MIGA2: variants seen among roughly 807,000 people sequenced by gnomAD.
The protein encoded by MIGA2 is mitoguardin 2, also known as family with sequence similarity 73, member B.
Under a neutral mutation model 69.9 loss-of-function variants are expected in MIGA2, and 36 were observed. The ratio of observed to expected loss-of-function variants is 0.52; its 90% confidence interval spans 0.39 to 0.68. MIGA2 has a LOEUF of 0.68. Among genes scored for constraint, MIGA2 ranks in the 30% least tolerant of loss-of-function variants. The pLI, the probability that MIGA2 is intolerant of heterozygous loss-of-function variation, is 0.00. For missense variants in MIGA2, 660 were observed against 787.7 expected, an observed-to-expected ratio of 0.84 and a Z score of 1.94; for synonymous variants, 333 against 349.2, an observed-to-expected ratio of 0.95 and a Z score of 0.52.
At position 129,068,069 on chromosome 9, in the gene MIGA2, CGGGAAA is replaced by C. The variant is rs746257768; in HGVS notation, c.1270-127_1270-122del. 2.9e-6 allele frequency: 4 copies of C among 1,392,708 alleles called. No individual in the cohort carries two copies. In the South Asian group the frequency reaches 4.8e-5, roughly 17 times the overall value. 86.3% of individuals were successfully genotyped at this position (1,392,708 alleles called of 1,614,324 possible). On this transcript the variant is annotated intron_variant, in intron 12 of 15. Transcript: ENST00000684074. The surrounding 1 kb of genome is among the most constrained non-coding windows in gnomAD (Gnocchi z 4.1). ...CAGCTACACCCGTTGCACAGCAGAGCGGGAAAGACGTGTCCCCCCCACGTGTGCTCA... is the reference window on the plus strand; with the variant it reads ...CAGCTACACCCGTTGCACAGCAGAGCGACGTGTCCCCCCCACGTGTGCTCA...
chr9:129,063,506 T>G, intron 10 of MIGA2, 39 bp from the exon 11 acceptor site: 1 of 1,607,972 alleles, frequency 6.2e-7, no homozygotes, highest in Admixed American at 1.7e-5. Flanking sequence ...GGGACTGCCG[T>G]GCCCGGCAGC....
chr9:129,046,875 A>G (rs1845253155), intron 3 of MIGA2, among the ~76,000 whole-genome samples: 1 of 151,262 alleles, frequency 6.6e-6, no homozygotes, highest in Admixed American at 6.6e-5. Context: ...ACCTCCCAGG[A>G]TCAAGCGATT....
Position 129,069,754 on chromosome 9 carries a change from G to A in MIGA2, c.1459-95G>A, listed in dbSNP as rs762560750. ...AGCAGGAAAGTACATGAGCTGGGGCGACCTCTAAAGCCCAGCCCTTTATGC... is the reference window on the plus strand; with the variant it reads ...AGCAGGAAAGTACATGAGCTGGGGCAACCTCTAAAGCCCAGCCCTTTATGC... On this transcript the variant is annotated intron_variant, in intron 14 of 15. Transcript: ENST00000684074. This position sits in a 1 kb window ranked among gnomAD's most constrained non-coding sequence, Gnocchi z 4.9. 1.1e-5 allele frequency: 9 copies of A among 845,272 alleles called. No homozygotes were observed. Among genetic ancestry groups the A allele is most frequent in the Non-Finnish European group, 1.6e-5 (8 of 487,030 alleles). The allele number at this position is 845,272 out of a possible 1,614,324, so 52.4% of individuals were successfully genotyped here.
In MIGA2 at chr9:129,060,454, C is replaced by T. The variant is rs1048401055; in HGVS notation, c.794-96C>T. 32 of 994,774 alleles carry T rather than the reference C, an allele frequency of 3.2e-5. No individual in the cohort carries two copies. In the African/African-American group the frequency reaches 4.2e-4, roughly 13 times the overall value. The allele number at this position is 994,774 out of a possible 1,614,324, so 61.6% of individuals were successfully genotyped here. On this transcript the variant is annotated intron_variant, in intron 7 of 15. Transcript: ENST00000684074. This position sits in a 1 kb window ranked among gnomAD's most constrained non-coding sequence, Gnocchi z 4.8. ...GGGAATCACAGGCTCGGGATGAAGC[C>T]TCCCCTGGGCCTGATGGGGGACTTC...
chr9:129,047,630 C>T (rs1588378595), intron 3 of MIGA2, among the ~76,000 whole-genome samples: 1 of 151,990 alleles, frequency 6.6e-6, no homozygotes, highest in Non-Finnish European at 1.5e-5. Flanking sequence ...CCAGGCTGAT[C>T]TCGAACTCCT....
chr9:129,050,341 C>G (rs778160399), intron 6 of MIGA2, among the ~76,000 whole-genome samples: 1 of 152,190 alleles, frequency 6.6e-6, no homozygotes, highest in Admixed American at 6.6e-5. Flanking sequence ...GTGGCGCAAT[C>G]TTGGCTCACT....
intron 12 of MIGA2, 85 bp downstream of exon 12, chr9:129,067,956 A>T (rs1335392490): frequency 2.7e-6 from 4 of 1,464,374 alleles, no homozygotes; most frequent in Admixed American, 3.9e-5. Flanking sequence ...GCTCTAGCTC[A>T]GTTCCAAGCG....
intron 1 of MIGA2, among the ~76,000 whole-genome samples, chr9:129,038,449 G>A (rs1018861035): frequency 1.9e-4 from 29 of 152,114 alleles, no homozygotes; most frequent in African/African-American, 6.3e-4. Context: ...GGACCCTGCC[G>A]GGTCTTGGGG....
intron 11 of MIGA2, 130 bp downstream of exon 11, chr9:129,063,761 T>C: frequency 1.2e-6 from 1 of 806,044 alleles, no homozygotes; most frequent in Non-Finnish European, 2.0e-6. Context: ...TTCTGTAGAC[T>C]CTGCAACCGT....
intron 11 of MIGA2, among the ~76,000 whole-genome samples, chr9:129,066,775 T>C (rs1240269351): frequency 6.8e-6 from 1 of 147,868 alleles, no homozygotes; most frequent in Non-Finnish European, 1.5e-5. Context: ...CTGGCTAACA[T>C]GGCGAAACCC....
chr9:129,042,393 C>G lies in MIGA2; in HGVS notation c.186C>G (p.Ala62=). ...ALGTVALALA[A]HQLKRRRRRK... The stretch of plus-strand genomic sequence containing the variant: ...GGACTGTGGCCCTGGCCCTGGCTGC[C>G]CACCAGCTGAAGAGGCGACGGAGGA... The change falls in exon 3 of 16, where the codon GCC becomes GCG. Residue 62 remains alanine, a synonymous_variant. Coordinates refer to ENST00000684074, the MANE Select transcript of MIGA2 (RefSeq NM_001329990.2). 2 of 1,613,836 alleles carry G rather than the reference C, an allele frequency of 1.2e-6. No individual in the cohort carries two copies. Among genetic ancestry groups the G allele is most frequent in the Non-Finnish European group, 8.5e-7 (1 of 1,180,036 alleles).
chr9:129,069,365 T>C lies in MIGA2; in HGVS notation c.1458+236T>C. The C allele has an allele frequency of 1.7e-6, 1 of 584,544 alleles. No individual in the cohort carries two copies. Among genetic ancestry groups the C allele is most frequent in the Non-Finnish European group, 3.0e-6 (1 of 328,504 alleles). The allele number at this position is 584,544 out of a possible 1,614,324, so 36.2% of individuals were successfully genotyped here. ...GCAGGCCACTGGGGAGGGGAACGGA[T>C]ACCCTAGGGTAGTGGCCACAGGGCT... is the stretch of plus-strand genomic sequence containing the variant. On this transcript the variant is annotated intron_variant, in intron 14 of 15. Transcript: ENST00000684074. The surrounding 1 kb of genome is among the most constrained non-coding windows in gnomAD (Gnocchi z 4.9).
chr9:129,048,174 G>A (rs759082947), intron 3 of MIGA2, among the ~76,000 whole-genome samples: 4 of 152,342 alleles, frequency 2.6e-5, no homozygotes, highest in South Asian at 2.1e-4. Context: ...CTGGCAGATC[G>A]GGACTCCTCT....
At chr9:129,039,158 G>T (rs1004649422) in intron 1 of MIGA2, among the ~76,000 whole-genome samples, 2 of 150,400 alleles carry the variant, frequency 1.3e-5, no homozygotes, top group African/African-American at 4.9e-5. Context: ...AATACGTAGC[G>T]TGGAGTAGCT....
At chr9:129,048,183 C>G (rs1447224439) in intron 3 of MIGA2, among the ~76,000 whole-genome samples, 2 of 152,208 alleles carry the variant, frequency 1.3e-5, no homozygotes, top group African/African-American at 4.8e-5. Context: ...CGGGACTCCT[C>G]TCCTCGGCCT....
At chr9:129,039,193 G>GTGTA (rs1844763688) in intron 1 of MIGA2, among the ~76,000 whole-genome samples, 1 of 150,886 alleles carries the variant, frequency 6.6e-6, no homozygotes. Flanking sequence ...GTGTGTGTGT[G>GTGTA]TGTGTGTGTG....
chr9:129,064,876 G>A (rs1350330938), intron 11 of MIGA2, among the ~76,000 whole-genome samples: 1 of 150,676 alleles, frequency 6.6e-6, no homozygotes, highest in Non-Finnish European at 1.5e-5. Context: ...TCCACCTCCC[G>A]GGTTCAAGCA....
chr9:129,068,380 G>C lies in MIGA2; in HGVS notation c.1404+48G>C. On this transcript the variant is annotated intron_variant, in intron 13 of 15. Coordinates refer to ENST00000684074, the MANE Select transcript of MIGA2 (RefSeq NM_001329990.2). This position sits in a 1 kb window ranked among gnomAD's most constrained non-coding sequence, Gnocchi z 4.1. ...GACCCACACTTGCTCACATCAGCCC[G>C]TGTGGTTGCCTGGCTCCGTCCCCTC... The C allele has an allele frequency of 6.3e-7, 1 of 1,595,916 alleles. No individual in the cohort carries two copies. The highest frequency in any genetic ancestry group is 8.5e-7 in the Non-Finnish European group (1 of 1,178,226).
chr9:129,054,545 A>G (rs1845701966), intron 6 of MIGA2, among the ~76,000 whole-genome samples: 1 of 152,176 alleles, frequency 6.6e-6, no homozygotes, highest in South Asian at 2.1e-4. Flanking sequence ...GCTCTAGGCA[A>G]CCACAAATCT....
Sources: allele counts gnomAD v4.1 joint callset (sites outside exome capture counted in the v4.1 genomes callset), GRCh38; gene constraint gnomAD v4.1.1; non-coding constraint Gnocchi (gnomAD v3.1); transcripts MANE v1.5; gene names NCBI Gene and HGNC (gene_info 2026-07-23, HGNC 2026-07-21).